DGKB: variants seen among roughly 807,000 people sequenced by gnomAD.
DGKB encodes the protein diacylglycerol kinase beta.
DGKB carries 67 observed loss-of-function variants against 114.3 expected under a neutral mutation model. That is an observed-to-expected ratio of 0.59 (90% CI 0.48 to 0.72). The LOEUF (loss-of-function observed/expected upper bound fraction) is 0.72, where lower values mean the gene tolerates loss of function less well. Among genes scored for constraint, DGKB ranks in the 30% least tolerant of loss-of-function variants. DGKB has a pLI of 0.00. For missense variants in DGKB, 907 were observed against 975.2 expected (o/e 0.93, Z 0.93); for synonymous variants, 398 against 323.1 (o/e 1.23, Z -2.49).
At chr7:14,281,675 T>G (rs1014948315) in intron 23 of DGKB, among the ~76,000 whole-genome samples, 1 of 151,512 alleles carries the variant, frequency 6.6e-6, no homozygotes. Flanking sequence ...CAGACCACAG[T>G]GCAATCAAAC....
At chr7:14,821,883 A>G (rs1406023884) in intron 2 of DGKB, among the ~76,000 whole-genome samples, 2 of 152,174 alleles carry the variant, frequency 1.3e-5, no homozygotes, top group African/African-American at 2.4e-5. Flanking sequence ...TTACAGTGGG[A>G]ACAGCATAAA....
At chr7:14,498,451 T>C (rs1785623873) in intron 20 of DGKB, among the ~76,000 whole-genome samples, 1 of 151,898 alleles carries the variant, frequency 6.6e-6, no homozygotes, top group East Asian at 1.9e-4. Context: ...GAGTGATCTG[T>C]AGAAAGTCAA....
intron 21 of DGKB, among the ~76,000 whole-genome samples, chr7:14,460,376 T>G (rs935156906): frequency 2.7e-5 from 4 of 150,664 alleles, no homozygotes; most frequent in African/African-American, 9.8e-5. Flanking sequence ...AAGACACACA[T>G]AGGCTCAAAA....
At chr7:14,659,163 C>T (rs894169815) in intron 13 of DGKB, among the ~76,000 whole-genome samples, 3 of 151,888 alleles carry the variant, frequency 2.0e-5, no homozygotes, top group South Asian at 4.1e-4. Context: ...AAAGGCTCAT[C>T]AGATATTATA....
At chr7:14,591,428 C>T (rs1270322529) in intron 17 of DGKB, among the ~76,000 whole-genome samples, 1 of 152,018 alleles carries the variant, frequency 6.6e-6, no homozygotes, top group Admixed American at 6.6e-5. Context: ...TGATGAGTTT[C>T]CAATGTTGGC....
intron 6 of DGKB, among the ~76,000 whole-genome samples, chr7:14,705,158 G>A (rs372824226): frequency 1.9e-3 from 292 of 151,972 alleles, no homozygotes; most frequent in Middle Eastern, 6.8e-3. Flanking sequence ...AGGCTCGAGA[G>A]CTACGTGAAG....
At chr7:14,805,292 AG>A (rs1359141594) in intron 2 of DGKB, among the ~76,000 whole-genome samples, 2 of 152,120 alleles carry the variant, frequency 1.3e-5, no homozygotes, top group Admixed American at 6.6e-5. Context: ...TACACATTGC[AG>A]GCTGCTGCCT....
intron 1 of DGKB, among the ~76,000 whole-genome samples, chr7:14,945,607 A>G (rs1258571766): frequency 6.6e-6 from 1 of 151,814 alleles, no homozygotes. Context: ...GCACACGCAC[A>G]AGTACAAGAC....
intron 1 of DGKB, among the ~76,000 whole-genome samples, chr7:14,926,135 A>G (rs74516472): frequency 0.045 from 6,908 of 152,024 alleles, 545 homozygotes; most frequent in African/African-American, 0.16. Flanking sequence ...TTTTGCATCT[A>G]TTAATATAAT....
At chr7:14,435,495 G>A (rs1042414542) in intron 21 of DGKB, among the ~76,000 whole-genome samples, 12 of 152,028 alleles carry the variant, frequency 7.9e-5, no homozygotes, top group African/African-American at 2.9e-4. Context: ...ACCCAACAGA[G>A]TTATGTGAGT....
At chr7:14,424,625 TA>T (rs767922874) in intron 21 of DGKB, among the ~76,000 whole-genome samples, 24 of 152,108 alleles carry the variant, frequency 1.6e-4, no homozygotes, top group Non-Finnish European at 2.9e-4. Context: ...AATAACTGAA[TA>T]AAATTTAAAT....
intron 25 of DGKB, among the ~76,000 whole-genome samples, chr7:14,160,808 C>T (rs1783764756): frequency 6.6e-6 from 1 of 152,052 alleles, no homozygotes; most frequent in Admixed American, 6.6e-5. Flanking sequence ...CCCGTATAGC[C>T]AAGACAATCC....
chr7:14,970,930 C>A lies in DGKB; in HGVS notation c.-188+3766G>T, dbSNP rs1202903720. Among the ~76,000 whole-genome samples the A allele has an allele frequency of 2.0e-5, 3 of 152,130 alleles. No individual in the cohort carries two copies. The South Asian group carries it at 6.2e-4, about 31-fold the overall frequency. ...CCAGGGAAATAAGGTCAGGAAGTGGCAGGGAAGGTGTCACAGAATTCTTGA... is the reference window on the plus strand; with the variant it reads ...CCAGGGAAATAAGGTCAGGAAGTGGAAGGGAAGGTGTCACAGAATTCTTGA... On this transcript the variant is annotated intron_variant, in intron 1 of 4. Transcript: ENST00000437998.
At chr7:14,315,533 A>G (rs953182558) in intron 23 of DGKB, among the ~76,000 whole-genome samples, 1 of 151,552 alleles carries the variant, frequency 6.6e-6, no homozygotes, top group Non-Finnish European at 1.5e-5. Flanking sequence ...AAAGACACAA[A>G]GAAGGCCATT....
chr7:14,662,513 A>G (rs1817328221), intron 13 of DGKB, among the ~76,000 whole-genome samples: 1 of 151,998 alleles, frequency 6.6e-6, no homozygotes, highest in Non-Finnish European at 1.5e-5. Context: ...GCCAGAAGAA[A>G]CCATTCTTCA....
chr7:14,876,744 C>T (rs1002656442), intron 1 of DGKB, among the ~76,000 whole-genome samples: 3 of 152,180 alleles, frequency 2.0e-5, no homozygotes, highest in African/African-American at 7.2e-5. Context: ...CAATCAATGA[C>T]ATAGACTCAA....
intron 21 of DGKB, among the ~76,000 whole-genome samples, chr7:14,379,031 G>GA (rs201981398): frequency 0.029 from 3,658 of 125,546 alleles, 71 homozygotes; most frequent in South Asian, 0.13. Flanking sequence ...GTCATCTGAG[G>GA]AAAAAAATCT....
intron 1 of DGKB, among the ~76,000 whole-genome samples, chr7:14,868,103 C>T (rs1306262262): frequency 6.6e-6 from 1 of 152,038 alleles, no homozygotes; most frequent in Non-Finnish European, 1.5e-5. Flanking sequence ...AACATATGTC[C>T]ATGTAACTAG....
chr7:14,892,264 G>A (rs557147265), intron 1 of DGKB, among the ~76,000 whole-genome samples: 1 of 151,384 alleles, frequency 6.6e-6, no homozygotes, highest in East Asian at 1.9e-4. Flanking sequence ...AGTGGATAAC[G>A]TGGAAAGAAG....
Sources: gnomAD v4.1 joint callset for allele counts (sites outside exome capture counted in the v4.1 genomes callset) on GRCh38, gnomAD v4.1.1 for gene constraint, MANE v1.5 for transcripts, NCBI Gene and HGNC (gene_info 2026-07-23, HGNC 2026-07-21) for gene names.